Variants in PTK2 observed in about 807,000 individuals in gnomAD.
PTK2 encodes the protein protein tyrosine kinase 2.
PTK2 carries 45 observed loss-of-function variants against 150.1 expected under a neutral mutation model. The observed-to-expected ratio is 0.30, with a 90% CI of 0.24 to 0.38. The LOEUF (loss-of-function observed/expected upper bound fraction) is 0.38, where lower values mean the gene tolerates loss of function less well. PTK2 is among the 10% of genes least tolerant of loss of function. The probability of loss-of-function intolerance (pLI) is 1.00; values close to 1 mark genes in which losing one functional copy is unlikely to be tolerated. For missense variants in PTK2, 919 were observed against 1,307.3 expected (o/e 0.70, Z 4.58); for synonymous variants, 432 against 449.2 (o/e 0.96, Z 0.48).
chr8:140,667,289 GA>G (rs1312775867), intron 30 of PTK2, among the ~76,000 whole-genome samples: 2 of 151,572 alleles, frequency 1.3e-5, no homozygotes, highest in African/African-American at 2.4e-5. Context: ...TTACTATAGT[GA>G]AAAAAAAGTA....
intron 1 of PTK2, among the ~76,000 whole-genome samples, chr8:140,932,145 G>A (rs1052010528): frequency 3.3e-5 from 5 of 152,070 alleles, no homozygotes; most frequent in African/African-American, 1.2e-4. Flanking sequence ...AACTAGAAAT[G>A]TTTCTGCTCA....
intron 1 of PTK2, among the ~76,000 whole-genome samples, chr8:140,954,030 C>G (rs925166172): frequency 6.6e-6 from 1 of 151,574 alleles, no homozygotes; most frequent in Non-Finnish European, 1.5e-5. Context: ...TGCAGTGGCA[C>G]GATCTCGGCT....
intron 2 of PTK2, among the ~76,000 whole-genome samples, chr8:140,922,633 T>C (rs2100167947): frequency 6.6e-6 from 1 of 152,074 alleles, no homozygotes; most frequent in African/African-American, 2.4e-5. Context: ...CTCTCAAAAG[T>C]TACAAAATAA....
At chr8:140,693,975 G>A (rs1234746814) in intron 26 of PTK2, among the ~76,000 whole-genome samples, 3 of 152,112 alleles carry the variant, frequency 2.0e-5, no homozygotes, top group African/African-American at 4.8e-5. Context: ...AGGCCTGGGT[G>A]GGTCTAGGAA....
At chr8:140,709,899 C>T (rs1242685455) in intron 23 of PTK2, among the ~76,000 whole-genome samples, 1 of 152,122 alleles carries the variant, frequency 6.6e-6, no homozygotes, top group Non-Finnish European at 1.5e-5. Flanking sequence ...ATTTAGGGTA[C>T]AGTCAGCCCT....
At chr8:140,886,183 C>A (rs909097498) in intron 3 of PTK2, among the ~76,000 whole-genome samples, 1 of 152,118 alleles carries the variant, frequency 6.6e-6, no homozygotes, top group Admixed American at 6.6e-5. Flanking sequence ...GCAAATGGAT[C>A]TGAGTAACTA....
intron 4 of PTK2, among the ~76,000 whole-genome samples, chr8:140,877,809 AATT>A (rs1481662778): frequency 6.6e-6 from 1 of 152,166 alleles, no homozygotes; most frequent in Non-Finnish European, 1.5e-5. Flanking sequence ...GTGCCTATTC[AATT>A]TTACTTGAAA....
At chr8:140,663,095 C>G in intron 31 of PTK2, 1 of 226,884 alleles carries the variant, frequency 4.4e-6, no homozygotes, top group Non-Finnish European at 8.5e-6. Flanking sequence ...TGTTAAAGTT[C>G]CAGAATGTGG....
chr8:140,714,821 A>AT (rs2100038733), intron 23 of PTK2, among the ~76,000 whole-genome samples: 4 of 150,950 alleles, frequency 2.6e-5, no homozygotes, highest in Admixed American at 2.6e-4. Context: ...AAAAAAAAAA[A>AT]ATCTAAGTAA....
chr8:140,853,905 G>T, intron 5 of PTK2, among the ~76,000 whole-genome samples: 1 of 152,182 alleles, frequency 6.6e-6, no homozygotes, highest in East Asian at 1.9e-4. Flanking sequence ...ATTTCAAAAT[G>T]TATCTTAACG....
chr8:140,879,733 A>C (rs2100148097), intron 3 of PTK2, 96 bp from the exon 4 acceptor site: 5 of 1,114,274 alleles, frequency 4.5e-6, no homozygotes, highest in South Asian at 2.9e-5. Context: ...ACAAAAAAAA[A>C]ACTATATGCT....
chr8:140,974,523 T>C (rs2100188550), intron 1 of PTK2, among the ~76,000 whole-genome samples: 1 of 152,218 alleles, frequency 6.6e-6, no homozygotes, highest in Non-Finnish European at 1.5e-5. Context: ...GGGAAAAACA[T>C]TCCAATTGCT....
intron 2 of PTK2, among the ~76,000 whole-genome samples, chr8:140,899,108 GCAGCTAA>G (rs1568440495): frequency 6.6e-6 from 1 of 152,124 alleles, no homozygotes; most frequent in Non-Finnish European, 1.5e-5. Context: ...ACTAGACAAA[GCAGCTAA>G]CATGAAATTA....
At chr8:140,901,761 G>A (rs1043088262) in intron 2 of PTK2, among the ~76,000 whole-genome samples, 10 of 150,778 alleles carry the variant, frequency 6.6e-5, no homozygotes, top group African/African-American at 9.8e-5. Context: ...CCATCAACCC[G>A]TCATCTACAT....
At chr8:140,796,606 G>A (rs958286738) in intron 12 of PTK2, among the ~76,000 whole-genome samples, 6 of 152,174 alleles carry the variant, frequency 3.9e-5, no homozygotes, top group African/African-American at 1.4e-4. Flanking sequence ...AAAGGCAGCT[G>A]TAAAGAAGGA....
chr8:140,764,372 G>A (rs80168945), intron 14 of PTK2, 82 bp from the exon 17 acceptor site: 23,012 of 1,079,894 alleles, frequency 0.021, 319 homozygotes, highest in Non-Finnish European at 0.027. Context: ...TAGGCAAAGC[G>A]ATCTGCTTAA....
At chr8:140,934,869 GTTTTC>G (rs1460127928) in intron 1 of PTK2, among the ~76,000 whole-genome samples, 2 of 152,034 alleles carry the variant, frequency 1.3e-5, no homozygotes, top group East Asian at 1.9e-4. Context: ...CTAGCAAGAT[GTTTTC>G]TTTTCTGTAG....
At chr8:140,769,039 G>A (rs1005515076) in intron 14 of PTK2, among the ~76,000 whole-genome samples, 1 of 152,162 alleles carries the variant, frequency 6.6e-6, no homozygotes, top group Admixed American at 6.5e-5. Context: ...GATGGGAAAT[G>A]TAAGACATAG....
chr8:140,692,446 A>C (rs901752473), intron 26 of PTK2, among the ~76,000 whole-genome samples: 7 of 152,100 alleles, frequency 4.6e-5, no homozygotes, highest in African/African-American at 1.7e-4. Flanking sequence ...GTGAAACCCC[A>C]TCTCTACTAA....
Sources: allele counts gnomAD v4.1 joint callset (sites outside exome capture counted in the v4.1 genomes callset), GRCh38; gene constraint gnomAD v4.1.1; transcripts MANE v1.5; gene names NCBI Gene and HGNC (gene_info 2026-07-23, HGNC 2026-07-21).